The following OR51E2 variants were observed in gnomAD, a reference collection of about 807,000 sequenced individuals.
OR51E2 encodes the protein olfactory receptor family 51 subfamily E member 2.
In OR51E2, 14 loss-of-function variants were observed where a neutral mutation model predicts 13.7. The ratio of observed to expected loss-of-function variants is 1.02; its 90% CI spans 0.68 to 1.60. The LOEUF is 1.60. Among genes scored for constraint, OR51E2 ranks in the 40% most tolerant of loss-of-function variants. OR51E2 has a pLI of 0.00. For missense variants in OR51E2, 483 were observed against 413.8 expected (o/e 1.17, Z -1.45); for synonymous variants, 180 against 157.6 (o/e 1.14, Z -1.07).
In OR51E2 at chr11:4,682,299, G is replaced by A. The variant is rs1847463921; in HGVS notation, c.413C>T (p.Thr138Ile). The A allele has an allele frequency of 1.2e-6, 2 of 1,614,042 alleles. No individual in the cohort carries two copies. Among genetic ancestry groups the A allele is most frequent in the Admixed American group, 1.7e-5 (1 of 60,008 alleles). Residue 138 changes from threonine to isoleucine, a missense_variant, in exon 2 of 2, where the codon ACA (threonine) becomes ATA (isoleucine). Transcript: ENST00000396950. The stretch of plus-strand genomic sequence containing the variant: ...CACGATGCCAATCTGGGCTGTTACT[G>A]TATTGTTGAGCACTGCAGCATGGCG... ...PLRHAAVLNN[T>I]VTAQIGIVAV... is the part of the protein sequence containing the mutation.
intron 1 of OR51E2, among the ~76,000 whole-genome samples, chr11:4,683,958 C>T (rs1381276664): frequency 6.6e-6 from 1 of 152,212 alleles, no homozygotes; most frequent in African/African-American, 2.4e-5. Context: ...GGTTAGCTTG[C>T]TTATATTGCA....
chr11:4,688,803 C>A (rs563993857), intron 1 of OR51E2, among the ~76,000 whole-genome samples: 30 of 152,164 alleles, frequency 2.0e-4, no homozygotes, highest in South Asian at 8.3e-4. Flanking sequence ...GAAAGGGTCA[C>A]CAGGATTTAC....
At position 4,682,091 on chromosome 11, in the gene OR51E2, G is replaced by A. The variant is rs1123990; in HGVS notation, c.621C>T (p.Gly207=). 0.033 allele frequency: 52,490 copies of A among 1,614,098 alleles called. 2,045 individuals are homozygous for A. The highest frequency in any genetic ancestry group is 0.16 in the East Asian group (7,065 of 44,870). Residue 207 remains glycine, a synonymous_variant, in exon 2 of 2, where the codon GGC becomes GGT. Coordinates refer to ENST00000396950, the MANE Select transcript of OR51E2 (RefSeq NM_030774.4). ...YGLTAILLVM[G]VDVMFISLSY... ...ACAAGGAGATGAACATTACGTCCAC[G>A]CCCATGACCAGCAGAATGGCAGTAA...
In OR51E2 at chr11:4,682,753, A is replaced by G; in HGVS notation, c.-42T>C. On this transcript the variant is annotated 5_prime_UTR_variant, in exon 2 of 2. Coordinates refer to ENST00000396950, the MANE Select transcript of OR51E2 (RefSeq NM_030774.4). ...GGGTGACTGGAGAGGGTGAGGTCACACTGGCAGTCTGCAGGGACATAGAGC... is the reference window on the plus strand; with the variant it reads ...GGGTGACTGGAGAGGGTGAGGTCACGCTGGCAGTCTGCAGGGACATAGAGC... The G allele has an allele frequency of 1.3e-6, 2 of 1,589,400 alleles. No individual in the cohort carries two copies. Among genetic ancestry groups the G allele is most frequent in the Non-Finnish European group, 1.7e-6 (2 of 1,167,172 alleles).
At chr11:4,693,665 T>C (rs11033368) in intron 1 of OR51E2, among the ~76,000 whole-genome samples, 89,379 of 151,828 alleles carry the variant, frequency 0.59, 27,258 homozygotes, top group Non-Finnish European at 0.65. Context: ...AGCTTCCAGG[T>C]GAACCGAGAT....
At chr11:4,694,957 T>G (rs1219720168) in intron 1 of OR51E2, among the ~76,000 whole-genome samples, 1 of 152,136 alleles carries the variant, frequency 6.6e-6, no homozygotes, top group Non-Finnish European at 1.5e-5. Flanking sequence ...AAGTGTGCTT[T>G]TGCAGTGCCG....
intron 1 of OR51E2, among the ~76,000 whole-genome samples, chr11:4,688,259 G>A (rs1009758590): frequency 3.9e-5 from 6 of 152,154 alleles, no homozygotes; most frequent in African/African-American, 1.4e-4. Flanking sequence ...TGTTGTTGTT[G>A]TTATTATTAT....
chr11:4,691,917 G>A (rs1253802075), intron 1 of OR51E2, among the ~76,000 whole-genome samples: 1 of 152,168 alleles, frequency 6.6e-6, no homozygotes, highest in Non-Finnish European at 1.5e-5. Context: ...TTGCCTTAGT[G>A]TACAATCTTT....
At chr11:4,684,055 G>A (rs1352689539) in intron 1 of OR51E2, among the ~76,000 whole-genome samples, 1 of 152,104 alleles carries the variant, frequency 6.6e-6, no homozygotes, top group Non-Finnish European at 1.5e-5. Flanking sequence ...AATGTAGAGG[G>A]GTTAGATACC....
At chr11:4,691,260 A>C (rs1389516569) in intron 1 of OR51E2, 1 of 456,846 alleles carries the variant, frequency 2.2e-6, no homozygotes, top group Non-Finnish European at 4.4e-6. Flanking sequence ...GACACTTGCC[A>C]CTCCAATTTG....
rs754968495 is a variant in OR51E2 at position 4,682,327 on chromosome 11, G to T, written c.385C>A (p.Leu129Met). 6.8e-6 allele frequency: 11 copies of T among 1,614,224 alleles called. No homozygotes were observed. Among genetic ancestry groups the T allele is most frequent in the South Asian group, 3.3e-5 (3 of 91,090 alleles). ...TTGTTGAGCACTGCAGCATGGCGCAGTGGGTGGCAGATGGCCACATAACGG... is the reference window on the plus strand; with the variant it reads ...TTGTTGAGCACTGCAGCATGGCGCATTGGGTGGCAGATGGCCACATAACGG... ...FDRYVAICHPLRHAAVLNNTV... is the reference protein window; with the variant it reads ...FDRYVAICHPMRHAAVLNNTV... Residue 129 changes from leucine to methionine, a missense_variant, in exon 2 of 2, where the codon CTG becomes ATG. Coordinates refer to ENST00000396950, the MANE Select transcript of OR51E2 (RefSeq NM_030774.4).
chr11:4,696,785 C>A (rs940244187), intron 1 of OR51E2, among the ~76,000 whole-genome samples: 4 of 152,162 alleles, frequency 2.6e-5, no homozygotes, highest in African/African-American at 9.7e-5. Flanking sequence ...TTTCATTGCA[C>A]TATTATAAGC....
rs1847442288 is a variant in OR51E2, at chr11:4,680,933, G to GC, written c.*815_*816insG. 1 of 152,166 alleles carries GC rather than the reference G, an allele frequency of 6.6e-6. No individual in the cohort carries two copies. Among genetic ancestry groups the GC allele is most frequent in the South Asian group, 2.1e-4 (1 of 4,828 alleles). The allele number at this position is 152,166 out of a possible 1,614,324, so 9.4% of individuals were successfully genotyped here. On this transcript the variant is annotated 3_prime_UTR_variant, in exon 2 of 2. Transcript: ENST00000396950. The stretch of plus-strand genomic sequence containing the variant: ...CTGTTGCCCAGGCTGGAGTGTAGTG[G>GC]TACGATCGTGGATCACTGTAACCTC...
chr11:4,686,427 G>A (rs543461579), intron 1 of OR51E2, among the ~76,000 whole-genome samples: 49 of 152,288 alleles, frequency 3.2e-4, no homozygotes, highest in African/African-American at 1.2e-3. Context: ...CTGATGATAT[G>A]CTGTGAACTC....
intron 1 of OR51E2, chr11:4,685,659 A>G (rs1355393871): frequency 2.0e-5 from 3 of 152,216 alleles, no homozygotes; most frequent in East Asian, 1.9e-4. Flanking sequence ...CCTAGGTCAT[A>G]TAGTTAATTA....
At chr11:4,683,605 G>T (rs1847482898) in intron 1 of OR51E2, among the ~76,000 whole-genome samples, 1 of 152,184 alleles carries the variant, frequency 6.6e-6, no homozygotes, top group Admixed American at 6.5e-5. Context: ...CATTTTAATT[G>T]CATCCAAGGA....
intron 1 of OR51E2, chr11:4,684,951 C>G (rs550055232): frequency 1.3e-4 from 20 of 152,314 alleles, no homozygotes; most frequent in African/African-American, 4.8e-4. Flanking sequence ...GTGGATGGGA[C>G]ACAAGGGCTT....
chr11:4,694,042 TC>T (rs1369527915), intron 1 of OR51E2, among the ~76,000 whole-genome samples: 4 of 152,220 alleles, frequency 2.6e-5, no homozygotes, highest in African/African-American at 9.6e-5. Flanking sequence ...CTACGCAATA[TC>T]TGAGTTGTAA....
intron 1 of OR51E2, among the ~76,000 whole-genome samples, chr11:4,687,866 T>G (rs1760948206): frequency 6.6e-6 from 1 of 151,994 alleles, no homozygotes; most frequent in African/African-American, 2.4e-5. Context: ...CTATTCTAAG[T>G]CAGGAGAAGG....
Sources: allele counts gnomAD v4.1 joint callset (sites outside exome capture counted in the v4.1 genomes callset), GRCh38; gene constraint gnomAD v4.1.1; transcripts MANE v1.5; gene names NCBI Gene and HGNC (gene_info 2026-07-23, HGNC 2026-07-21).